The following WDPCP variants were observed in gnomAD, a reference collection of about 807,000 sequenced individuals.
WDPCP encodes WD repeat containing planar cell polarity effector, also known as WD repeat-containing and planar cell polarity effector protein fritz homolog.
Under a neutral mutation model 93.1 loss-of-function variants are expected in WDPCP, and 71 were observed. That is an observed-to-expected ratio of 0.76 (90% CI 0.63 to 0.93). The LOEUF is 0.93. WDPCP is among the 40% of genes least tolerant of loss of function. The pLI, the probability that WDPCP is intolerant of heterozygous loss-of-function variation, is 0.00. For synonymous variants in WDPCP, 315 were observed against 315.0 expected, an observed-to-expected ratio of 1.00 and a Z score of 0.00; for missense variants, 844 against 887.4, an observed-to-expected ratio of 0.95 and a Z score of 0.62.
At chr2:63,319,146 T>C (rs866439169) in intron 12 of WDPCP, among the ~76,000 whole-genome samples, 1 of 152,184 alleles carries the variant, frequency 6.6e-6, no homozygotes, top group Non-Finnish European at 1.5e-5. Flanking sequence ...ATTTTTGTTT[T>C]TGTTGCAATT....
intron 6 of WDPCP, among the ~76,000 whole-genome samples, chr2:63,456,179 G>C (rs1698607144): frequency 6.6e-6 from 1 of 152,174 alleles, no homozygotes; most frequent in Non-Finnish European, 1.5e-5. Flanking sequence ...CACTCTGGGA[G>C]GGCAAGGCAG....
At chr2:63,831,552 G>A (rs1173401948), upstream of WDPCP, among the ~76,000 whole-genome samples, 1 of 151,938 alleles carries the variant, frequency 6.6e-6, no homozygotes, top group Non-Finnish European at 1.5e-5. Flanking sequence ...GATGCTAAAT[G>A]TATTTAACAT....
intron 1 of WDPCP, chr2:63,519,148 C>G (rs1016573395): frequency 6.6e-6 from 1 of 151,950 alleles, no homozygotes; most frequent in African/African-American, 2.4e-5. Context: ...GTCACCAGCA[C>G]GTTCATGCAC....
rs961928470 is a variant in WDPCP, at chr2:63,352,348, T to C, written c.1748+26038A>G. Among the ~76,000 whole-genome samples the C allele has an allele frequency of 2.0e-5, 3 of 152,310 alleles. No individual in the cohort carries two copies. In the South Asian group the frequency reaches 6.2e-4, roughly 32 times the overall value. ...TAAAAAGTGTTAAGTTTCAATACTT[T>C]CCTATACTTCATATTCTTATCTAAA... On this transcript the variant is annotated intron_variant, in intron 12 of 17. Transcript: ENST00000272321.
chr2:63,507,256 AG>A (rs1701940622), intron 1 of WDPCP, among the ~76,000 whole-genome samples: 1 of 152,068 alleles, frequency 6.6e-6, no homozygotes, highest in African/African-American at 2.4e-5. Flanking sequence ...TTTGCAGAGA[AG>A]GAAAAAAAAA....
intron 14 of WDPCP, among the ~76,000 whole-genome samples, chr2:63,250,419 A>G (rs1423909304): frequency 6.6e-6 from 1 of 152,198 alleles, no homozygotes; most frequent in African/African-American, 2.4e-5. Context: ...ACTGCAGGTA[A>G]TTGATACCAC....
chr2:63,781,621 T>G (rs999564518), intron 2 of WDPCP, among the ~76,000 whole-genome samples: 1 of 151,992 alleles, frequency 6.6e-6, no homozygotes, highest in African/African-American at 2.4e-5. Context: ...AGGCAGAGAG[T>G]CATGTTAACA....
chr2:63,322,020 A>G (rs1163318019), intron 12 of WDPCP, among the ~76,000 whole-genome samples: 1 of 152,208 alleles, frequency 6.6e-6, no homozygotes, highest in Non-Finnish European at 1.5e-5. Context: ...AGGTGAAGCC[A>G]GCTGGGTTTC....
chr2:63,433,684 A>G (rs1696928701), intron 9 of WDPCP, 61 bp downstream of exon 9: 1 of 1,401,064 alleles, frequency 7.1e-7, no homozygotes, highest in Non-Finnish European at 9.7e-7. Flanking sequence ...CAGAATAGAA[A>G]ATCTAATAAT....
intron 12 of WDPCP, among the ~76,000 whole-genome samples, chr2:63,353,319 G>C (rs1455841244): frequency 6.6e-6 from 1 of 152,164 alleles, no homozygotes; most frequent in Non-Finnish European, 1.5e-5. Flanking sequence ...CAAAGTGGGA[G>C]GTTAGACATT....
intron 14 of WDPCP, among the ~76,000 whole-genome samples, chr2:63,190,841 G>GT (rs1674988204): frequency 6.6e-6 from 1 of 152,164 alleles, no homozygotes. Context: ...GGGATAGGGA[G>GT]TGATTATAGC....
chr2:63,722,557 G>A (rs1171930749), intron 2 of WDPCP, among the ~76,000 whole-genome samples: 9 of 127,516 alleles, frequency 7.1e-5, no homozygotes, highest in East Asian at 4.1e-4. Flanking sequence ...CGGGAGGGAG[G>A]TGGGGGGGGG....
At chr2:63,828,929 T>C (rs941348209), upstream of WDPCP, among the ~76,000 whole-genome samples, 4 of 152,204 alleles carry the variant, frequency 2.6e-5, no homozygotes, top group African/African-American at 9.6e-5. Context: ...GAAAATTGCT[T>C]AATATTTGCT....
intron 9 of WDPCP, among the ~76,000 whole-genome samples, chr2:63,430,020 CA>C (rs1558623789): frequency 3.7e-5 from 5 of 135,444 alleles, no homozygotes; most frequent in African/African-American, 1.4e-4. Flanking sequence ...CACACACACA[CA>C]CACCATGAAA....
At chr2:63,778,798 T>A (rs575561282) in intron 2 of WDPCP, among the ~76,000 whole-genome samples, 1 of 152,326 alleles carries the variant, frequency 6.6e-6, no homozygotes, top group East Asian at 1.9e-4. Context: ...GTTCTGAGAA[T>A]CTCCGCATCC....
chr2:63,209,104 A>T (rs1676560713), intron 14 of WDPCP, among the ~76,000 whole-genome samples: 1 of 152,234 alleles, frequency 6.6e-6, no homozygotes, highest in African/African-American at 2.4e-5. Context: ...AAAAACAGTA[A>T]GAGTAGTGAT....
At chr2:63,431,769 A>G (rs1262811336) in intron 9 of WDPCP, among the ~76,000 whole-genome samples, 1 of 152,146 alleles carries the variant, frequency 6.6e-6, no homozygotes, top group African/African-American at 2.4e-5. Flanking sequence ...TCTAAAAAAG[A>G]AATCTTTACA....
At chr2:63,577,373 T>C (rs1195736250) in intron 1 of WDPCP, among the ~76,000 whole-genome samples, 2 of 152,208 alleles carry the variant, frequency 1.3e-5, no homozygotes, top group African/African-American at 2.4e-5. Context: ...ATATGTTTCC[T>C]CTAAATAAAG....
chr2:63,760,584 C>G (rs1670042047), intron 2 of WDPCP, among the ~76,000 whole-genome samples: 1 of 151,576 alleles, frequency 6.6e-6, no homozygotes, highest in South Asian at 2.1e-4. Flanking sequence ...ATCTCATTTT[C>G]CCCTCCTCCT....
Sources: gnomAD v4.1 joint callset for allele counts (sites outside exome capture counted in the v4.1 genomes callset) on GRCh38, gnomAD v4.1.1 for gene constraint, MANE v1.5 for transcripts, NCBI Gene and HGNC (gene_info 2026-07-23, HGNC 2026-07-21) for gene names.